Variants in FAM168B observed in about 807,000 individuals in gnomAD.
FAM168B encodes the protein family with sequence similarity 168 member B, also known as myelin-associated neurite-outgrowth inhibitor.
A neutral mutation model predicts 21.8 loss-of-function variants in FAM168B; 19 were observed. The ratio of observed to expected loss-of-function variants is 0.87; its 90% CI spans 0.61 to 1.28. The LOEUF is 1.28. FAM168B is among the 50% of genes most tolerant of loss of function. The probability of loss-of-function intolerance (pLI) is 0.00; values close to 1 mark genes in which losing one functional copy is unlikely to be tolerated. For missense variants in FAM168B, 233 were observed against 263.1 expected (o/e 0.89, Z 0.79); for synonymous variants, 126 against 104.8 (o/e 1.20, Z -1.24).
intron 1 of FAM168B, among the ~76,000 whole-genome samples, chr2:131,091,290 G>C (rs1012245361): frequency 2.6e-5 from 4 of 152,006 alleles, no homozygotes; most frequent in Admixed American, 2.6e-4. Flanking sequence ...AGTGAGCCGA[G>C]ATCACTCCAC....
intron 3 of FAM168B, among the ~76,000 whole-genome samples, chr2:131,062,171 T>C (rs1285672321): frequency 6.6e-6 from 1 of 152,182 alleles, no homozygotes; most frequent in Non-Finnish European, 1.5e-5. Context: ...AGATGCAAGC[T>C]GCCAACCCAA....
intron 2 of FAM168B, among the ~76,000 whole-genome samples, chr2:131,078,850 G>A (rs1693296397): frequency 1.3e-5 from 2 of 151,934 alleles, no homozygotes; most frequent in Admixed American, 6.6e-5. Context: ...TTCAGGCATG[G>A]TAGCGCACAC....
At position 131,092,819 on chromosome 2, in the gene FAM168B, A is replaced by AT. The variant is rs771554098; in HGVS notation, c.-12+394dup. ...GATTCCGCCAAGCAAAAAAATAAAA[A>AT]TAAAAATTATCTTTACTTCGTGGGT... On this transcript the variant is annotated intron_variant, in intron 1 of 6. Coordinates refer to ENST00000389915, the MANE Select transcript of FAM168B (RefSeq NM_001009993.4). 2.3e-3 allele frequency among the ~76,000 whole-genome samples: 356 copies of AT among 152,330 alleles called. 2 individuals carry two copies. The highest frequency in any genetic ancestry group is 3.1e-3 in the Non-Finnish European group (208 of 68,040).
intron 3 of FAM168B, among the ~76,000 whole-genome samples, chr2:131,070,149 G>A (rs915913797): frequency 2.0e-5 from 3 of 152,064 alleles, no homozygotes; most frequent in Admixed American, 6.6e-5. Context: ...GAGCCACCGC[G>A]CCCAGCCTAA....
At chr2:131,082,112 C>T (rs960898803) in intron 2 of FAM168B, among the ~76,000 whole-genome samples, 1 of 152,168 alleles carries the variant, frequency 6.6e-6, no homozygotes, top group Non-Finnish European at 1.5e-5. Flanking sequence ...GGATGTGGAT[C>T]AGGCCTAAGT....
chr2:131,062,343 C>T (rs963539392), intron 3 of FAM168B, among the ~76,000 whole-genome samples: 1 of 152,220 alleles, frequency 6.6e-6, no homozygotes, highest in Non-Finnish European at 1.5e-5. Context: ...GATACACAGT[C>T]GAGGGGCCCA....
chr2:131,075,547 T>G (rs929591138), intron 2 of FAM168B, among the ~76,000 whole-genome samples: 18 of 151,838 alleles, frequency 1.2e-4, no homozygotes, highest in Non-Finnish European at 2.4e-4. Flanking sequence ...CAGGCTGGAA[T>G]GCAGTGGCGT....
intron 6 of FAM168B, 107 bp downstream of exon 6, chr2:131,052,784 G>A (rs1441386686): frequency 6.8e-7 from 1 of 1,462,618 alleles, no homozygotes; most frequent in Non-Finnish European, 9.1e-7. Context: ...TGGATCCAGG[G>A]TCAGGCACAC....
At position 131,092,036 on chromosome 2, in the gene FAM168B, T is replaced by C. The variant is rs532483322; in HGVS notation, c.-12+1178A>G. ...GCGGGCGCCTGCAGTCCCAGCTACT[T>C]GGGAGGCTGAGGCAAAAGACTGACG... On this transcript the variant is annotated intron_variant, in intron 1 of 6. Transcript: ENST00000389915. Among the ~76,000 whole-genome samples, 442 of 149,184 alleles carry C rather than the reference T, an allele frequency of 3.0e-3. 2 individuals are homozygous for C. Among genetic ancestry groups the C allele is most frequent in the African/African-American group, 0.01 (419 of 40,336 alleles).
intron 1 of FAM168B, 64 bp from the exon 2 acceptor site, chr2:131,082,721 T>G: frequency 9.5e-7 from 1 of 1,050,584 alleles, no homozygotes. Flanking sequence ...CCAGTACCAG[T>G]CCCCAAAAAG....
chr2:131,052,820 G>C, intron 6 of FAM168B, 71 bp downstream of exon 6: 1 of 1,522,000 alleles, frequency 6.6e-7, no homozygotes, highest in South Asian at 1.2e-5. Context: ...TTAAATATGT[G>C]GTAAATTTGC....
chr2:131,066,367 G>A (rs998715854), intron 3 of FAM168B, among the ~76,000 whole-genome samples: 6 of 152,038 alleles, frequency 3.9e-5, no homozygotes, highest in Admixed American at 2.0e-4. Context: ...AGTAGAGACG[G>A]GGTTTCACCG....
At chr2:131,064,577 A>C (rs1436312655) in intron 3 of FAM168B, among the ~76,000 whole-genome samples, 1 of 152,204 alleles carries the variant, frequency 6.6e-6, no homozygotes, top group African/African-American at 2.4e-5. Context: ...ACAACCATCA[A>C]CGAAGTGTGC....
At chr2:131,077,190 G>A (rs1377186276) in intron 2 of FAM168B, among the ~76,000 whole-genome samples, 1 of 147,530 alleles carries the variant, frequency 6.8e-6, no homozygotes, top group Non-Finnish European at 1.5e-5. Flanking sequence ...ACAAGATGGA[G>A]TGTATGTAAC....
intron 1 of FAM168B, among the ~76,000 whole-genome samples, chr2:131,089,479 TC>T (rs1258064044): frequency 3.3e-5 from 5 of 150,110 alleles, no homozygotes; most frequent in African/African-American, 4.9e-5. Flanking sequence ...ACGCCTGTAA[TC>T]CCAGCACTTT....
intron 3 of FAM168B, among the ~76,000 whole-genome samples, chr2:131,069,784 C>A (rs190902648): frequency 3.0e-4 from 45 of 151,886 alleles, no homozygotes; most frequent in Non-Finnish European, 5.0e-4. Flanking sequence ...TGAGCCACTG[C>A]GCCCAGCCAA....
intron 2 of FAM168B, among the ~76,000 whole-genome samples, chr2:131,075,926 C>T (rs780209209): frequency 1.3e-5 from 2 of 152,194 alleles, no homozygotes; most frequent in Non-Finnish European, 2.9e-5. Flanking sequence ...CAAAGACTCC[C>T]AATCTCCTAG....
chr2:131,055,797 A>C (rs1344775282), intron 3 of FAM168B, 102 bp from the exon 4 acceptor site: 1 of 1,414,872 alleles, frequency 7.1e-7, no homozygotes. Flanking sequence ...GCCCCACGCA[A>C]CTCGCCAGAC....
chr2:131,050,752 G>A lies in FAM168B; in HGVS notation c.*1713C>T, dbSNP rs1001534069. 15 of 985,324 alleles carry A rather than the reference G, an allele frequency of 1.5e-5. No individual in the cohort carries two copies. Among genetic ancestry groups the A allele is most frequent in the Non-Finnish European group, 1.8e-5 (15 of 829,948 alleles). The allele number at this position is 985,324 out of a possible 1,614,324, so 61.0% of individuals were successfully genotyped here. On this transcript the variant is annotated 3_prime_UTR_variant, in exon 7 of 7. Coordinates refer to ENST00000389915, the MANE Select transcript of FAM168B (RefSeq NM_001009993.4). ...ACCAACCAACTGGGGCAGAATGCTA[G>A]TGGGCATCCTCACTGGGCGCCAGTG...
Sources: gnomAD v4.1 joint callset for allele counts (sites outside exome capture counted in the v4.1 genomes callset) on GRCh38, gnomAD v4.1.1 for gene constraint, MANE v1.5 for transcripts, NCBI Gene and HGNC (gene_info 2026-07-23, HGNC 2026-07-21) for gene names.